Variants in CD99L2 observed in about 807,000 individuals in gnomAD.
CD99L2 encodes the protein CD99 molecule like 2.
Under a neutral mutation model 27.3 loss-of-function variants are expected in CD99L2, and 24 were observed. That is an observed-to-expected ratio of 0.88 (90% CI 0.64 to 1.24). The LOEUF (loss-of-function observed/expected upper bound fraction) is 1.24, where lower values mean the gene tolerates loss of function less well. Ranked by LOEUF, CD99L2 falls within the 50% of genes most tolerant of loss-of-function variation. The pLI is 0.00. For missense variants in CD99L2, 255 were observed against 221.6 expected (o/e 1.15, Z -0.96); for synonymous variants, 97 against 87.9 (o/e 1.10, Z -0.58).
chrX:150,824,411 A>AAAGAG (rs2046314596), intron 2 of CD99L2, among the ~76,000 whole-genome samples: 1 of 102,641 alleles, frequency 9.7e-6, no homozygotes, highest in Non-Finnish European at 2.0e-5. Context: ...AAGAAGAAGA[A>AAAGAG]AAGAAGAAGA....
At chrX:150,860,769 A>G (rs1160584978) in intron 1 of CD99L2, among the ~76,000 whole-genome samples, 3 of 111,905 alleles carry the variant, frequency 2.7e-5, no homozygotes, top group East Asian at 5.6e-4. Flanking sequence ...AAGATCTCTA[A>G]AAGAAAAACT....
At position 150,771,310 on chromosome X, in the gene CD99L2, T is replaced by C. The variant is rs955328171; in HGVS notation, c.656-941A>G. On this transcript the variant is annotated intron_variant, in intron 9 of 10. Coordinates refer to ENST00000370377, the MANE Select transcript of CD99L2 (RefSeq NM_031462.4). ...TGCTGGGCTTGAGGTGGGAGCCAAA[T>C]GGGCCTGTGGCAAATGCGGGCGTTG... is the stretch of plus-strand genomic sequence containing the variant. Among the ~76,000 whole-genome samples, 5 of 112,728 alleles carry C rather than the reference T, an allele frequency of 4.4e-5. No individual in the cohort carries two copies. The Admixed American group carries it at 4.7e-4, about 10-fold the overall frequency.
At chrX:150,792,578 G>C (rs1277507256) in intron 7 of CD99L2, among the ~76,000 whole-genome samples, 2 of 112,138 alleles carry the variant, frequency 1.8e-5, no homozygotes, top group Non-Finnish European at 3.8e-5. Flanking sequence ...CACCGTTCTT[G>C]CAAGAAAAGA....
intron 1 of CD99L2, among the ~76,000 whole-genome samples, chrX:150,874,460 G>A (rs1355118632): frequency 2.7e-5 from 3 of 109,999 alleles, no homozygotes; most frequent in Non-Finnish European, 5.7e-5. Flanking sequence ...AAAGGCCAGT[G>A]GGAAGAGTTC....
intron 1 of CD99L2, among the ~76,000 whole-genome samples, chrX:150,886,312 A>T (rs782584994): frequency 8.9e-6 from 1 of 112,562 alleles, no homozygotes; most frequent in African/African-American, 3.2e-5. Flanking sequence ...TGGTGGTACC[A>T]TAAGATTGTA....
At chrX:150,804,794 G>T (rs2045969112) in intron 4 of CD99L2, among the ~76,000 whole-genome samples, 1 of 111,863 alleles carries the variant, frequency 8.9e-6, no homozygotes, top group South Asian at 3.7e-4. Context: ...GATTTTAAGG[G>T]AATATCATTG....
chrX:150,854,123 A>T (rs1453322706), intron 1 of CD99L2, among the ~76,000 whole-genome samples: 1 of 110,883 alleles, frequency 9.0e-6, no homozygotes, highest in African/African-American at 3.3e-5. Context: ...CCCATGGGGC[A>T]GTGAGGAGAC....
chrX:150,837,029 T>C (rs2046541206), intron 1 of CD99L2, among the ~76,000 whole-genome samples: 1 of 111,794 alleles, frequency 8.9e-6, no homozygotes, highest in Non-Finnish European at 1.9e-5. Flanking sequence ...ATATATGGGT[T>C]AGTATAAAGA....
chrX:150,824,613 AAGGAGAAGAAGG>A (rs1236570187), intron 2 of CD99L2, among the ~76,000 whole-genome samples: 7 of 86,307 alleles, frequency 8.1e-5, no homozygotes, highest in African/African-American at 2.7e-4. Flanking sequence ...GGAGAAGAAG[AAGGAGAAGAAGG>A]AGGAGAAGAA....
intron 1 of CD99L2, among the ~76,000 whole-genome samples, chrX:150,833,340 T>C (rs965971929): frequency 8.9e-6 from 1 of 111,746 alleles, no homozygotes; most frequent in Non-Finnish European, 1.9e-5. Context: ...ATATATCCCA[T>C]GTTCATGTAT....
intron 1 of CD99L2, among the ~76,000 whole-genome samples, chrX:150,893,370 G>A (rs903805901): frequency 3.6e-5 from 4 of 109,854 alleles, no homozygotes; most frequent in African/African-American, 1.3e-4. Context: ...GGCAGGCAGG[G>A]TTAAGCATCT....
chrX:150,812,013 T>C (rs1296274300), intron 4 of CD99L2, among the ~76,000 whole-genome samples: 2 of 110,510 alleles, frequency 1.8e-5, no homozygotes, highest in African/African-American at 6.6e-5. Flanking sequence ...ATACAAAAAT[T>C]AGCCAAGTGT....
intron 2 of CD99L2, among the ~76,000 whole-genome samples, chrX:150,827,640 G>A: frequency 9.0e-6 from 1 of 111,641 alleles, no homozygotes; most frequent in South Asian, 3.8e-4. Context: ...AATAAATTAA[G>A]TGTATTTATT....
intron 1 of CD99L2, among the ~76,000 whole-genome samples, chrX:150,894,881 G>A (rs1455017445): frequency 6.3e-5 from 7 of 111,441 alleles, no homozygotes; most frequent in African/African-American, 1.6e-4. Context: ...GAGCCACTGC[G>A]CCCGGCCCCC....
At chrX:150,775,978 G>T (rs2043545281) in intron 9 of CD99L2, among the ~76,000 whole-genome samples, 196 bp downstream of exon 9, 2 of 112,475 alleles carry the variant, frequency 1.8e-5, no homozygotes, top group South Asian at 7.3e-4. Context: ...CGCTCTTGCA[G>T]GGTGGTTTAC....
rs2043551375 is a variant in CD99L2, at chrX:150,776,302, A to G, written c.536-9T>C. 8.4e-7 allele frequency: 1 copy of G among 1,196,859 alleles called. No homozygotes were observed. The highest frequency in any genetic ancestry group is 1.1e-6 in the Non-Finnish European group (1 of 887,949). On this transcript the variant is annotated splice_polypyrimidine_tract_variant and intron_variant, in intron 8 of 10. Coordinates refer to ENST00000370377, the MANE Select transcript of CD99L2 (RefSeq NM_031462.4). ...AGGCTCTGCCACCATGCCTGCGTGA[A>G]GAAGGGGGAGAAATGAGGACAGGTG...
chrX:150,798,806 T>C (rs1334847951), intron 4 of CD99L2, among the ~76,000 whole-genome samples: 3 of 112,678 alleles, frequency 2.7e-5, no homozygotes, highest in Non-Finnish European at 5.6e-5. Context: ...TGGAGTGCAG[T>C]GGCACAATCA....
chrX:150,833,401 C>T (rs1028811066), intron 1 of CD99L2, among the ~76,000 whole-genome samples: 1 of 111,310 alleles, frequency 9.0e-6, no homozygotes, highest in Non-Finnish European at 1.9e-5. Flanking sequence ...TCTACAGATA[C>T]GATGTAATTT....
intron 1 of CD99L2, among the ~76,000 whole-genome samples, chrX:150,840,383 C>A (rs781836131): frequency 9.1e-6 from 1 of 109,879 alleles, no homozygotes; most frequent in South Asian, 4.0e-4. Context: ...TGTGATAAAT[C>A]TGGAAAATTT....
Sources: allele counts gnomAD v4.1 joint callset (sites outside exome capture counted in the v4.1 genomes callset), GRCh38; gene constraint gnomAD v4.1.1; transcripts MANE v1.5; gene names NCBI Gene and HGNC (gene_info 2026-07-23, HGNC 2026-07-21).